The following GRM7 variants were observed in gnomAD, a reference collection of about 807,000 sequenced individuals.
The protein encoded by GRM7 is metabotropic glutamate receptor 7.
GRM7 carries 35 observed loss-of-function variants against 84.5 expected under a neutral mutation model. The ratio of observed to expected loss-of-function variants is 0.41; its 90% CI spans 0.32 to 0.55. GRM7 has a LOEUF of 0.55. Among genes scored for constraint, GRM7 ranks in the 20% least tolerant of loss-of-function variants. GRM7 has a pLI of 0.19. For synonymous variants in GRM7, 487 were observed against 455.1 expected (o/e 1.07, Z -0.89); for missense variants, 1,003 against 1,194.6 (o/e 0.84, Z 2.36).
At chr3:6,864,082 C>T (rs1346516472) in intron 1 of GRM7, among the ~76,000 whole-genome samples, 1 of 152,138 alleles carries the variant, frequency 6.6e-6, no homozygotes, top group Non-Finnish European at 1.5e-5. Flanking sequence ...CCAATGTTAG[C>T]GTTAGCGTTA....
At chr3:7,192,150 C>T (rs1369994851) in intron 2 of GRM7, among the ~76,000 whole-genome samples, 1 of 152,054 alleles carries the variant, frequency 6.6e-6, no homozygotes. Flanking sequence ...GCTCTGGGTC[C>T]GTGGTTTCAG....
At chr3:7,547,431 C>G (rs1693218826) in intron 7 of GRM7, among the ~76,000 whole-genome samples, 1 of 152,062 alleles carries the variant, frequency 6.6e-6, no homozygotes, top group Non-Finnish European at 1.5e-5. Context: ...TGGTCTCGAT[C>G]TCCTGACCTC....
intron 9 of GRM7, among the ~76,000 whole-genome samples, chr3:7,688,841 G>A (rs954912966): frequency 6.6e-6 from 1 of 152,178 alleles, no homozygotes; most frequent in African/African-American, 2.4e-5. Context: ...TTTGAAGGAA[G>A]TAGGTTCAAA....
intron 7 of GRM7, among the ~76,000 whole-genome samples, chr3:7,546,544 A>G (rs1225084302): frequency 2.6e-5 from 4 of 152,250 alleles, no homozygotes; most frequent in African/African-American, 7.2e-5. Flanking sequence ...CCCTACAGAG[A>G]AGCAAGTGAA....
At chr3:7,185,088 C>T (rs1695470019) in intron 2 of GRM7, among the ~76,000 whole-genome samples, 1 of 152,012 alleles carries the variant, frequency 6.6e-6, no homozygotes, top group Non-Finnish European at 1.5e-5. Context: ...TGGCTTGCTC[C>T]AAGTAATATA....
At position 7,086,055 on chromosome 3, in the gene GRM7, T is replaced by G. The variant is rs569377223; in HGVS notation, c.520-60397T>G. On this transcript the variant is annotated intron_variant, in intron 1 of 9. Transcript: ENST00000357716. ...GTTTAAAATTTGCAAAAATTATTTT[T>G]TTTTGAAGAAAGATTCAGTGATACT... Among the ~76,000 whole-genome samples, 19 of 152,298 alleles carry G rather than the reference T, an allele frequency of 1.2e-4. No individual in the cohort carries two copies. The East Asian group carries it at 3.5e-3, about 28-fold the overall frequency.
chr3:7,206,651 T>C (rs1696250403), intron 2 of GRM7, among the ~76,000 whole-genome samples: 1 of 152,206 alleles, frequency 6.6e-6, no homozygotes, highest in Admixed American at 6.5e-5. Context: ...AGAGCCTATA[T>C]TTATATCTGC....
At chr3:7,422,084 G>T (rs1696420089) in intron 5 of GRM7, among the ~76,000 whole-genome samples, 1 of 152,022 alleles carries the variant, frequency 6.6e-6, no homozygotes, top group Non-Finnish European at 1.5e-5. Flanking sequence ...GACAGAGTGA[G>T]ACCTTGCCTC....
chr3:7,433,050 A>G (rs1039172280), intron 5 of GRM7, among the ~76,000 whole-genome samples: 1 of 152,230 alleles, frequency 6.6e-6, no homozygotes, highest in Non-Finnish European at 1.5e-5. Flanking sequence ...TAAAAAATAA[A>G]GAAGGAAAGT....
intron 4 of GRM7, among the ~76,000 whole-genome samples, chr3:7,337,206 G>C (rs934692246): frequency 2.0e-5 from 3 of 152,076 alleles, no homozygotes; most frequent in African/African-American, 7.2e-5. Context: ...GGGATAATTG[G>C]CAAGCCACAC....
chr3:7,480,020 C>A (rs994239632), intron 7 of GRM7, among the ~76,000 whole-genome samples: 1 of 152,168 alleles, frequency 6.6e-6, no homozygotes, highest in Non-Finnish European at 1.5e-5. Context: ...GGATACCGCA[C>A]TTGTCAGACA....
intron 2 of GRM7, among the ~76,000 whole-genome samples, chr3:7,158,384 A>G (rs1694520250): frequency 6.6e-6 from 1 of 152,032 alleles, no homozygotes; most frequent in African/African-American, 2.4e-5. Context: ...TTGCATCTCT[A>G]TAGGCTTTTA....
chr3:7,442,225 G>A (rs1468219190), intron 5 of GRM7, among the ~76,000 whole-genome samples: 3 of 151,898 alleles, frequency 2.0e-5, no homozygotes, highest in Non-Finnish European at 2.9e-5. Context: ...CTGAGTTTTT[G>A]TGGCTATTGT....
At chr3:7,183,730 A>G (rs1008983863) in intron 2 of GRM7, among the ~76,000 whole-genome samples, 3 of 152,196 alleles carry the variant, frequency 2.0e-5, no homozygotes, top group African/African-American at 7.2e-5. Flanking sequence ...ATATTCACTT[A>G]TATTTGTACT....
At chr3:7,652,100 A>C (rs941275477) in intron 8 of GRM7, among the ~76,000 whole-genome samples, 2 of 152,230 alleles carry the variant, frequency 1.3e-5, no homozygotes, top group African/African-American at 4.8e-5. Flanking sequence ...AAACCAAGGC[A>C]CCAAATCAGT....
intron 4 of GRM7, among the ~76,000 whole-genome samples, chr3:7,402,407 C>T (rs1695491069): frequency 6.6e-6 from 1 of 152,188 alleles, no homozygotes. Flanking sequence ...ATGTCTCCCT[C>T]TCAGGAATAT....
chr3:7,080,995 C>T (rs1255605947), intron 1 of GRM7, among the ~76,000 whole-genome samples: 1 of 151,984 alleles, frequency 6.6e-6, no homozygotes, highest in East Asian at 1.9e-4. Flanking sequence ...AGGTGGTTTT[C>T]TATGCATCTC....
At chr3:7,696,231 T>C (rs920060804) in intron 9 of GRM7, among the ~76,000 whole-genome samples, 6 of 152,316 alleles carry the variant, frequency 3.9e-5, no homozygotes, top group South Asian at 2.1e-4. Flanking sequence ...ATTTACATTG[T>C]AGAGTGTACG....
At chr3:7,326,849 AG>A (rs1217867160) in intron 4 of GRM7, among the ~76,000 whole-genome samples, 1 of 151,620 alleles carries the variant, frequency 6.6e-6, no homozygotes, top group Non-Finnish European at 1.5e-5. Context: ...AAAAAAAAAA[AG>A]TTTATCCCAA....
Sources: gnomAD v4.1 joint callset for allele counts (sites outside exome capture counted in the v4.1 genomes callset) on GRCh38, gnomAD v4.1.1 for gene constraint, MANE v1.5 for transcripts, NCBI Gene and HGNC (gene_info 2026-07-23, HGNC 2026-07-21) for gene names.